MSLN: variants seen among roughly 807,000 people sequenced by gnomAD.
The protein encoded by MSLN is mesothelin, also known as CAK1 antigen.
Under a neutral mutation model 72.6 loss-of-function variants are expected in MSLN, and 82 were observed. The ratio of observed to expected loss-of-function variants is 1.13; its 90% CI spans 0.94 to 1.36. The LOEUF is 1.36. MSLN is among the 40% of genes most tolerant of loss of function. The pLI is 0.00. For synonymous variants in MSLN, 456 were observed against 387.3 expected, an observed-to-expected ratio of 1.18 and a Z score of -2.08; for missense variants, 1,005 against 847.9, an observed-to-expected ratio of 1.19 and a Z score of -2.30.
At chr16:767,297 T>A (rs540887766) in intron 15 of MSLN, 79 bp from the exon 16 acceptor site, 2 of 1,336,850 alleles carry the variant, frequency 1.5e-6, no homozygotes, top group East Asian at 4.6e-5. Flanking sequence ...GTAAGGCAAG[T>A]GGGCTTCCTG....
At position 764,983 on chromosome 16, in the gene MSLN, C is replaced by A; in HGVS notation, c.457C>A (p.Pro153Thr). 6.2e-7 allele frequency: 1 copy of A among 1,612,338 alleles called. No homozygotes were observed. The highest frequency in any genetic ancestry group is 8.5e-7 in the Non-Finnish European group (1 of 1,179,724). The change falls in exon 8 of 18, where the codon CCG (proline) becomes ACG (threonine). Residue 153 changes from proline (P) to threonine (T), a missense_variant. Physicochemically the swap from Pro to Thr is conservative, Grantham distance 38 (BLOSUM62 -1). Coordinates refer to ENST00000545450, the MANE Select transcript of MSLN (RefSeq NM_005823.6). ...RITKANVDLL[P>T]RGAPERQRLL... ...CACGAAGGCCAATGTGGACCTGCTC[C>A]CGAGGGGGGCTCCCGAGCGACAGCG...
chr16:764,130 T>C lies in MSLN; in HGVS notation c.287T>C (p.Leu96Pro), dbSNP rs763679622. ...AVALAQKNVK[L>P]STEQLRCLAH... ...GCCTTGGCACAGAAGAATGTCAAGC[T>C]CTCAACAGAGCAGGTCAGTCTCAGT... is the stretch of plus-strand genomic sequence containing the variant. The change falls in exon 6 of 18, where the codon CTC becomes CCC. Residue 96 changes from leucine (L) to proline (P), a missense_variant. Physicochemically the swap from Leu to Pro is moderately conservative, Grantham distance 98 (BLOSUM62 -3). Transcript: ENST00000545450. 1.2e-6 allele frequency: 2 copies of C among 1,604,876 alleles called. No homozygotes were observed. Among genetic ancestry groups the C allele is most frequent in the Non-Finnish European group, 1.7e-6 (2 of 1,179,724 alleles).
rs1254574748 is a variant in MSLN at position 765,302 on chromosome 16, G to A, written c.703G>A (p.Gly235Ser). ...AALQGGGPPYGPPSTWSVSTM... is the reference protein window; with the variant it reads ...AALQGGGPPYSPPSTWSVSTM... ...TCTGCAGGGCGGGGGACCCCCCTACGGGTAAGTGAAGGTGTCTGGAACCTC... is the reference window on the plus strand; with the variant it reads ...TCTGCAGGGCGGGGGACCCCCCTACAGGTAAGTGAAGGTGTCTGGAACCTC... The change falls in exon 9 of 18, where the codon GGC becomes AGC. Residue 235 changes from glycine (G) to serine (S), a missense_variant and splice_region_variant. Physicochemically the swap from Gly to Ser is moderately conservative, Grantham distance 56. Transcript: ENST00000545450. 1.7e-5 allele frequency: 27 copies of A among 1,567,902 alleles called. No individual in the cohort carries two copies. Among genetic ancestry groups the A allele is most frequent in the African/African-American group, 5.4e-5 (4 of 74,132 alleles).
In MSLN at chr16:766,130, C is replaced by G; in HGVS notation, c.967C>G (p.Leu323Val). 6.2e-7 allele frequency: 1 copy of G among 1,612,762 alleles called. No homozygotes were observed. The highest frequency in any genetic ancestry group is 8.5e-7 in the Non-Finnish European group (1 of 1,179,930). The change falls in exon 12 of 18, where the codon CTG becomes GTG. Residue 323 changes from leucine to valine, a missense_variant. Coordinates refer to ENST00000545450, the MANE Select transcript of MSLN (RefSeq NM_005823.6). The stretch of plus-strand genomic sequence containing the variant: ...CCTCATCTTCTACAAGAAGTGGGAG[C>G]TGGAAGCCTGCGTGGATGCGGCCCT... ...ESLIFYKKWELEACVDAALLA... is the reference protein window; with the variant it reads ...ESLIFYKKWEVEACVDAALLA...
At position 765,959 on chromosome 16, in the gene MSLN, A is replaced by C. The variant is rs2041601974; in HGVS notation, c.896-100A>C. On this transcript the variant is annotated intron_variant, in intron 11 of 17. Transcript: ENST00000545450. ...CCAGTGGGTAAACTGAGGCACAGGG[A>C]GGGTCACAAATGGCCCGAGGTCTCA... is the stretch of plus-strand genomic sequence containing the variant. The C allele has an allele frequency of 3.6e-6, 5 of 1,377,430 alleles. No homozygotes were observed. In the East Asian group the frequency reaches 1.3e-4, roughly 35 times the overall value. 85.3% of individuals were successfully genotyped at this position (1,377,430 alleles called of 1,614,324 possible). A position where few individuals can be genotyped will look rare whatever the true frequency, so the allele number is the denominator to read the frequency against.
intron 16 of MSLN, among the ~76,000 whole-genome samples, chr16:768,127 G>T (rs1191049174): frequency 1.4e-5 from 2 of 146,646 alleles, no homozygotes; most frequent in Non-Finnish European, 3.0e-5. Flanking sequence ...GGGCCAACGG[G>T]GGGTGGGAGG....
At position 763,282 on chromosome 16, in the gene MSLN, G is replaced by T. The variant is rs1426713733; in HGVS notation, c.129+6G>T. On this transcript the variant is annotated splice_donor_region_variant and intron_variant, in intron 4 of 17. Transcript: ENST00000545450. ...TGGCTGGAGAGACAGGGCAGGTAAG[G>T]TCCCCTCTGGGGAAACAGGGGAGGG... The T allele has an allele frequency of 7.1e-6, 11 of 1,542,594 alleles. No individual in the cohort carries two copies. Among genetic ancestry groups the T allele is most frequent in the South Asian group, 2.4e-5 (2 of 82,962 alleles).
Position 767,438 on chromosome 16 carries a change from A to C in MSLN, c.1564A>C (p.Thr522Pro), listed in dbSNP as rs2041630712. The stretch of plus-strand genomic sequence containing the variant: ...GCAGAATGTGAGCATGGACTTGGCC[A>C]CGTTCATGAAGCTGCGGACGGATGC... ...SQQNVSMDLA[T>P]FMKLRTDAVL... The change falls in exon 16 of 18, where the codon ACG (threonine) becomes CCG (proline). Residue 522 changes from threonine to proline, a missense_variant. Physicochemically the swap from Thr to Pro is conservative, Grantham distance 38 (BLOSUM62 -1). Coordinates refer to ENST00000545450, the MANE Select transcript of MSLN (RefSeq NM_005823.6). 6.3e-7 allele frequency: 1 copy of C among 1,590,216 alleles called. No individual in the cohort carries two copies. The highest frequency in any genetic ancestry group is 8.5e-7 in the Non-Finnish European group (1 of 1,171,082).
rs772173432 is a variant in MSLN at position 765,704 on chromosome 16, C to T, written c.809C>T (p.Ala270Val). 2.7e-5 allele frequency: 43 copies of T among 1,600,804 alleles called. No homozygotes were observed. The highest frequency in any genetic ancestry group is 1.5e-4 in the South Asian group (14 of 91,062). The change falls in exon 11 of 18, where the codon GCG (alanine) becomes GTG (valine). Residue 270 changes from alanine to valine, a missense_variant. Transcript: ENST00000545450. ...IRSIPQGIVAAWRQRSSRDPS... is the reference protein window; with the variant it reads ...IRSIPQGIVAVWRQRSSRDPS... ...GCTCGTCCTCAGGGCATCGTGGCCG[C>T]GTGGCGGCAACGCTCCTCTCGGGAC...
Position 764,998 on chromosome 16 carries a change from G to A in MSLN, c.472G>A (p.Glu158Lys), listed in dbSNP as rs1273887638. Residue 158 changes from glutamate (E) to lysine (K), a missense_variant, in exon 8 of 18, where the codon GAG (glutamate) becomes AAG (lysine). Physicochemically the swap from Glu to Lys is moderately conservative, Grantham distance 56 (BLOSUM62 1). Coordinates refer to ENST00000545450, the MANE Select transcript of MSLN (RefSeq NM_005823.6). Reference sequence around the variant, plus strand: ...GGACCTGCTCCCGAGGGGGGCTCCCGAGCGACAGCGGCTGCTGCCTGCGGC... The same window carrying A: ...GGACCTGCTCCCGAGGGGGGCTCCCAAGCGACAGCGGCTGCTGCCTGCGGC... ...NVDLLPRGAP[E>K]RQRLLPAALA... The A allele has an allele frequency of 1.4e-5, 23 of 1,612,036 alleles. No homozygotes were observed. Among genetic ancestry groups the A allele is most frequent in the African/African-American group, 1.3e-4 (10 of 74,946 alleles).
rs766310445 is a variant in MSLN, at chr16:766,410, A to T, written c.1150A>T (p.Ile384Phe). Reference sequence around the variant, plus strand: ...CTTCCTCAAGATGAGCCCTGAGGACATTCGCAAGTGGAATGTGACGTCCCT... The same window carrying T: ...CTTCCTCAAGATGAGCCCTGAGGACTTTCGCAAGTGGAATGTGACGTCCCT... ...YLFLKMSPED[I>F]RKWNVTSLET... Residue 384 changes from isoleucine (I) to phenylalanine (F), a missense_variant, in exon 13 of 18, where the codon ATT becomes TTT. Coordinates refer to ENST00000545450, the MANE Select transcript of MSLN (RefSeq NM_005823.6). 5 of 1,612,596 alleles carry T rather than the reference A, an allele frequency of 3.1e-6. No homozygotes were observed. The African/African-American group carries it at 5.3e-5, about 17-fold the overall frequency.
At chr16:764,877 C>G in intron 7 of MSLN, 30 bp from the exon 8 acceptor site, 1 of 1,606,506 alleles carries the variant, frequency 6.2e-7, no homozygotes, top group Non-Finnish European at 8.5e-7. Flanking sequence ...GTGATCAGTG[C>G]GGCCTGTCCC....
chr16:765,786 G>A lies in MSLN; in HGVS notation c.891G>A (p.Val297=), dbSNP rs757317933. 1.3e-6 allele frequency: 2 copies of A among 1,598,592 alleles called. No homozygotes were observed. The highest frequency in any genetic ancestry group is 1.1e-5 in the South Asian group (1 of 90,938). ...TILRPRFRRE[V]EKTACPSGKK... is the part of the protein sequence containing the mutation. ...TCCGGCCGCGGTTCCGGCGGGAAGT[G>A]GAGAGTGAGTGCCGTGCCCTGCGCA... Residue 297 remains valine, a synonymous_variant, in exon 11 of 18, where the codon GTG becomes GTA. Transcript: ENST00000545450.
chr16:764,084 C>T lies in MSLN; in HGVS notation c.241C>T (p.Arg81Cys), dbSNP rs753853566. The change falls in exon 6 of 18, where the codon CGT becomes TGT. Residue 81 changes from arginine (R) to cysteine (C), a missense_variant. Transcript: ENST00000545450. ...CAEVSGLSTE[R>C]VRELAVALAQ... ...GGAGGTGTCCGGCCTGAGCACGGAG[C>T]GTGTCCGGGAGCTGGCTGTGGCCTT... 31 of 1,606,326 alleles carry T rather than the reference C, an allele frequency of 1.9e-5. No individual in the cohort carries two copies. The highest frequency in any genetic ancestry group is 1.1e-4 in the South Asian group (10 of 91,068).
intron 5 of MSLN, 64 bp downstream of exon 5, chr16:763,755 G>T: frequency 2.0e-6 from 1 of 506,212 alleles, no homozygotes; most frequent in Non-Finnish European, 2.3e-6. Flanking sequence ...ACTGAGGGTG[G>T]GCAGGGCACC....
chr16:762,395 C>A (rs1394498714), intron 2 of MSLN: 1 of 482,362 alleles, frequency 2.1e-6, no homozygotes, highest in South Asian at 2.4e-5. Flanking sequence ...CACTGCCCTG[C>A]CCTTCTGGGA....
rs779268468 is a variant in MSLN at position 766,707 on chromosome 16, C to CAGCT, written c.1273_1276dup (p.Asp426AlafsTer45). On this transcript the variant is annotated frameshift_variant, in exon 14 of 18. Transcript: ENST00000545450. LOFTEE classifies it high-confidence loss of function. Reference sequence around the variant, plus strand: ...CGACCGCTTTGTGAAGGGAAGGGGCCAGCTAGACAAAGACACCCTAGACAC... The same window carrying CAGCT: ...CGACCGCTTTGTGAAGGGAAGGGGCCAGCTAGCTAGACAAAGACACCCTAGACAC... The CAGCT allele has an allele frequency of 6.2e-7, 1 of 1,612,628 alleles. No individual in the cohort carries two copies. Among genetic ancestry groups the CAGCT allele is most frequent in the African/African-American group, 1.3e-5 (1 of 75,018 alleles).
Position 767,032 on chromosome 16 carries a change from G to A in MSLN, c.1501+20G>A, listed in dbSNP as rs746430234. ...TCCTGGGTGAGCCAGGGAGTCCCTG[G>A]CCAGGGTGGGCAACACAACGGGGGA... On this transcript the variant is annotated intron_variant, in intron 15 of 17. Coordinates refer to ENST00000545450, the MANE Select transcript of MSLN (RefSeq NM_005823.6). 2 of 1,322,830 alleles carry A rather than the reference G, an allele frequency of 1.5e-6. No homozygotes were observed. The highest frequency in any genetic ancestry group is 2.0e-6 in the Non-Finnish European group (2 of 977,400). 81.9% of individuals were successfully genotyped at this position (1,322,830 alleles called of 1,614,324 possible). A position where few individuals can be genotyped will look rare whatever the true frequency, so the allele number is the denominator to read the frequency against.
At chr16:764,827 G>A in intron 7 of MSLN, 80 bp from the exon 8 acceptor site, 1 of 1,587,540 alleles carries the variant, frequency 6.3e-7, no homozygotes, top group South Asian at 1.1e-5. Context: ...CAGCAGAGAT[G>A]TGGAGGCCGG....
Sources: gnomAD v4.1 joint callset for allele counts (sites outside exome capture counted in the v4.1 genomes callset) on GRCh38, gnomAD v4.1.1 for gene constraint, MANE v1.5 for transcripts, NCBI Gene and HGNC (gene_info 2026-07-23, HGNC 2026-07-21) for gene names.